Variants in ACP7 observed in about 807,000 individuals in gnomAD.
ACP7 encodes the protein acid phosphatase 7, tartrate resistant (putative).
Under a neutral mutation model 60.6 loss-of-function variants are expected in ACP7, and 58 were observed. The ratio of observed to expected loss-of-function variants is 0.96; its 90% CI spans 0.77 to 1.19. The LOEUF is 1.19. Among genes scored for constraint, ACP7 ranks in the 50% most tolerant of loss-of-function variants. The probability of loss-of-function intolerance (pLI) is 0.00; values close to 1 mark genes in which losing one functional copy is unlikely to be tolerated. For missense variants in ACP7, 574 were observed against 596.2 expected (o/e 0.96, Z 0.39); for synonymous variants, 237 against 232.6 (o/e 1.02, Z -0.17).
intron 11 of ACP7, among the ~76,000 whole-genome samples, chr19:39,105,759 G>A (rs561558159): frequency 6.6e-6 from 1 of 152,240 alleles, no homozygotes; most frequent in African/African-American, 2.4e-5. Context: ...CAATCTGCCC[G>A]CCTCGGCCTC....
At chr19:39,091,304 A>G (rs182558946) in intron 2 of ACP7, among the ~76,000 whole-genome samples, 150 of 152,042 alleles carry the variant, frequency 9.9e-4, no homozygotes, top group Non-Finnish European at 1.6e-3. Context: ...CTGGGACTAC[A>G]GGCGTGCACC....
chr19:39,098,886 TCGGGGAAGGATGGGGTTGGAGGGAGGG>T (rs2073304295), intron 3 of ACP7, 47 bp from the exon 4 acceptor site: 8 of 999,272 alleles, frequency 8.0e-6, no homozygotes, highest in African/African-American at 1.5e-5. Flanking sequence ...CCTCCACCAG[TCGGGGAAGGATGGGGTTGGAGGGAGGG>T]TCCCGGGGCG....
Position 39,100,718 on chromosome 19 carries a change from C to A in ACP7, c.693-21C>A, listed in dbSNP as rs909017329. The A allele has an allele frequency of 1.9e-6, 3 of 1,613,436 alleles. No homozygotes were observed. The Admixed American group carries it at 5.0e-5, about 27-fold the overall frequency. ...TGCAGGGGAGCCCTGGTCCCTGACCCCTGCCCTTTGACTCCTCCAGCTGGG... is the reference window on the plus strand; with the variant it reads ...TGCAGGGGAGCCCTGGTCCCTGACCACTGCCCTTTGACTCCTCCAGCTGGG... On this transcript the variant is annotated intron_variant, in intron 6 of 12. Transcript: ENST00000331256.
At position 39,107,103 on chromosome 19, in the gene ACP7, G is replaced by A. The variant is rs779781662; in HGVS notation, c.1251+19G>A. 34 of 1,612,492 alleles carry A rather than the reference G, an allele frequency of 2.1e-5. No homozygotes were observed. The highest frequency in any genetic ancestry group is 6.6e-5 in the South Asian group (6 of 90,906). ...CGACCAGGTCAGTGAGGGGCAGGCCGAAGTCACCTGACTGTACAGCCAGGC... is the reference window on the plus strand; with the variant it reads ...CGACCAGGTCAGTGAGGGGCAGGCCAAAGTCACCTGACTGTACAGCCAGGC... On this transcript the variant is annotated intron_variant, in intron 12 of 12. Coordinates refer to ENST00000331256, the MANE Select transcript of ACP7 (RefSeq NM_001004318.3).
In ACP7 at chr19:39,099,081, G is replaced by T; in HGVS notation, c.444G>T (p.Lys148Asn). 1 of 1,605,890 alleles carries T rather than the reference G, an allele frequency of 6.2e-7. No homozygotes were observed. The change falls in exon 4 of 13, where the codon AAG (lysine) becomes AAT (asparagine). Residue 148 changes from lysine (K) to asparagine (N), a missense_variant. Transcript: ENST00000331256. ...VFGDLGADNP[K>N]AVPRLRRDTQ... ...GAGACCTGGGGGCTGACAACCCGAAGGCCGTCCCCCGGCTGCGCAGGGACA... is the reference window on the plus strand; with the variant it reads ...GAGACCTGGGGGCTGACAACCCGAATGCCGTCCCCCGGCTGCGCAGGGACA...
At chr19:39,109,716 A>C (rs2073449429) in intron 12 of ACP7, among the ~76,000 whole-genome samples, 1 of 146,158 alleles carries the variant, frequency 6.8e-6, no homozygotes, top group Non-Finnish European at 1.5e-5. Flanking sequence ...AAAAGGAGAG[A>C]GAGAGAAAGA....
rs753980583 is a variant in ACP7 at position 39,102,713 on chromosome 19, ACTTTT to A, written c.1113+1181_1113+1185del. On this transcript the variant is annotated intron_variant, in intron 11 of 12. Transcript: ENST00000331256. ...TTATTACTAAGCTGTTCCAATGAAG[ACTTTT>A]CTTTCTTTCTTTCTTTCTTTCTTTC... Among the ~76,000 whole-genome samples the A allele has an allele frequency of 5.2e-3, 249 of 47,902 alleles. 2 individuals are homozygous for A. The highest frequency in any genetic ancestry group is 0.011 in the Middle Eastern group (1 of 94). 31.4% of individuals were successfully genotyped at this position (47,902 alleles called of 152,430 possible).
chr19:39,103,220 T>G (rs2073375191), intron 11 of ACP7, among the ~76,000 whole-genome samples: 1 of 152,186 alleles, frequency 6.6e-6, no homozygotes, highest in African/African-American at 2.4e-5. Context: ...CAAGGCTGAC[T>G]TGTGTCTTCT....
At chr19:39,095,087 C>T (rs542238467) in intron 2 of ACP7, among the ~76,000 whole-genome samples, 1 of 152,270 alleles carries the variant, frequency 6.6e-6, no homozygotes, top group Admixed American at 6.5e-5. Context: ...GACACAGAGC[C>T]AAACCATATC....
chr19:39,104,086 A>T (rs1290419079), intron 11 of ACP7, among the ~76,000 whole-genome samples: 1 of 151,182 alleles, frequency 6.6e-6, no homozygotes, highest in Non-Finnish European at 1.5e-5. Context: ...GTAAAATAAT[A>T]ATTATTATTA....
In ACP7 at chr19:39,101,148, A is replaced by C; in HGVS notation, c.916-2A>C. ...CCTCACCCGCTCATTCACCCTGCCCAGGTCCGCAAAGGCCTCCAAGGCAAG... is the reference window on the plus strand; with the variant it reads ...CCTCACCCGCTCATTCACCCTGCCCCGGTCCGCAAAGGCCTCCAAGGCAAG... On this transcript the variant is annotated splice_acceptor_variant, in intron 8 of 12. Transcript: ENST00000331256. LOFTEE classifies it high-confidence loss of function. 2 of 1,614,086 alleles carry C rather than the reference A, an allele frequency of 1.2e-6. No individual in the cohort carries two copies. The highest frequency in any genetic ancestry group is 1.7e-6 in the Non-Finnish European group (2 of 1,180,018).
intron 2 of ACP7, among the ~76,000 whole-genome samples, chr19:39,097,729 ATG>A (rs2073283394): frequency 6.6e-6 from 1 of 151,922 alleles, no homozygotes; most frequent in Non-Finnish European, 1.5e-5. Context: ...AAATGATATC[ATG>A]TGTGTACAAT....
intron 2 of ACP7, 71 bp from the exon 3 acceptor site, chr19:39,098,387 C>G: frequency 1.6e-6 from 2 of 1,237,954 alleles, no homozygotes; most frequent in Non-Finnish European, 2.2e-6. Flanking sequence ...ACGCCCCTCA[C>G]TTTTTCTGCA....
At position 39,098,505 on chromosome 19, in the gene ACP7, C is replaced by T. The variant is rs769489647; in HGVS notation, c.169C>T (p.Arg57Cys). ...AACTTGGACCACATGGGTCCCAACC[C>T]GCTCTGAAGTGCAATTCGGGTTGCA... Reference protein sequence around the residue: ...TVTWTTWVPTRSEVQFGLQPS... With the variant: ...TVTWTTWVPTCSEVQFGLQPS... Residue 57 changes from arginine to cysteine, a missense_variant, in exon 3 of 13, where the codon CGC becomes TGC. Arg to Cys is a radical substitution (Grantham distance 180). Transcript: ENST00000331256. The T allele has an allele frequency of 3.7e-6, 6 of 1,606,634 alleles. No individual in the cohort carries two copies. The highest frequency in any genetic ancestry group is 2.2e-5 in the East Asian group (1 of 44,784).
chr19:39,108,860 G>A (rs1159057678), intron 12 of ACP7, among the ~76,000 whole-genome samples: 3 of 152,080 alleles, frequency 2.0e-5, no homozygotes, highest in African/African-American at 4.8e-5. Flanking sequence ...TCACCCTGTC[G>A]CCCAGGCTAG....
chr19:39,087,246 A>G lies in ACP7; in HGVS notation c.121+1856A>G, dbSNP rs562637578. Among the ~76,000 whole-genome samples, 12 of 152,260 alleles carry G rather than the reference A, an allele frequency of 7.9e-5. No individual in the cohort carries two copies. In the South Asian group the frequency reaches 2.5e-3, roughly 32 times the overall value. On this transcript the variant is annotated intron_variant, in intron 2 of 12. Transcript: ENST00000331256. ...AGGCTGGTCTTGAATTCCTAAGCTC[A>G]AGCGATCCTCCAGTCTCGGCCTCCC...
intron 2 of ACP7, among the ~76,000 whole-genome samples, chr19:39,095,104 C>T (rs1475314238): frequency 6.6e-6 from 1 of 152,114 alleles, no homozygotes; most frequent in Non-Finnish European, 1.5e-5. Flanking sequence ...TATCATTTTG[C>T]CTCTGGCCCC....
intron 2 of ACP7, among the ~76,000 whole-genome samples, chr19:39,086,718 GT>G (rs1339713234): frequency 6.6e-6 from 1 of 151,362 alleles, no homozygotes; most frequent in Admixed American, 6.6e-5. Flanking sequence ...AGGACTGTTT[GT>G]TTTAAACTGT....
intron 2 of ACP7, among the ~76,000 whole-genome samples, chr19:39,098,235 C>T (rs1366417401): frequency 3.6e-5 from 4 of 110,202 alleles, no homozygotes; most frequent in Non-Finnish European, 6.7e-5. Flanking sequence ...GCCTAGGAGG[C>T]AGAGTAAGAC....
Sources: allele counts gnomAD v4.1 joint callset (sites outside exome capture counted in the v4.1 genomes callset), GRCh38; gene constraint gnomAD v4.1.1; transcripts MANE v1.5; gene names NCBI Gene and HGNC (gene_info 2026-07-23, HGNC 2026-07-21).